Variants in PSMB7 observed in about 807,000 individuals in gnomAD.
PSMB7 encodes the protein proteasome subunit beta type-7.
A neutral mutation model predicts 28.1 loss-of-function variants in PSMB7; 5 were observed. That is an observed-to-expected ratio of 0.18 (90% confidence interval 0.09 to 0.37). The LOEUF is 0.37. Ranked by LOEUF, PSMB7 falls within the 10% of genes least tolerant of loss-of-function variation. The probability of loss-of-function intolerance (pLI) is 1.00; values close to 1 mark genes in which losing one functional copy is unlikely to be tolerated. For missense variants in PSMB7, 275 were observed against 346.2 expected, an observed-to-expected ratio of 0.79 and a Z score of 1.63; for synonymous variants, 122 against 123.7, an observed-to-expected ratio of 0.99 and a Z score of 0.09.
intron 6 of PSMB7, among the ~76,000 whole-genome samples, chr9:124,369,908 GT>G (rs1432005381): frequency 6.6e-6 from 1 of 152,118 alleles, no homozygotes; most frequent in East Asian, 1.9e-4. Context: ...TATGGGTACC[GT>G]TCTCGACTTT....
intron 7 of PSMB7, among the ~76,000 whole-genome samples, chr9:124,355,782 T>G: frequency 6.6e-6 from 1 of 152,290 alleles, no homozygotes; most frequent in Admixed American, 6.5e-5. Context: ...AGTGCCAGCG[T>G]TCTCTGGCCC....
chr9:124,391,645 CAA>C (rs10706624), intron 5 of PSMB7, among the ~76,000 whole-genome samples: 290 of 144,092 alleles, frequency 2.0e-3, no homozygotes, highest in Middle Eastern at 0.011. Context: ...TAGTCTCATT[CAA>C]AAAAAAAAAA....
intron 5 of PSMB7, among the ~76,000 whole-genome samples, chr9:124,403,188 T>G (rs1327275160): frequency 6.6e-6 from 1 of 152,100 alleles, no homozygotes; most frequent in Non-Finnish European, 1.5e-5. Flanking sequence ...TGTTAGAACT[T>G]GAAAATCCCA....
intron 6 of PSMB7, among the ~76,000 whole-genome samples, chr9:124,379,703 G>A (rs1344987157): frequency 2.0e-5 from 3 of 152,188 alleles, no homozygotes; most frequent in Non-Finnish European, 4.4e-5. Flanking sequence ...TTTGCCCTTT[G>A]CCCCATCTTC....
chr9:124,382,137 G>A (rs1340289370), intron 6 of PSMB7, among the ~76,000 whole-genome samples: 4 of 146,604 alleles, frequency 2.7e-5, no homozygotes, highest in East Asian at 2.1e-4. Flanking sequence ...GCAGTGAGCC[G>A]AGATCATGCC....
At chr9:124,385,352 A>G (rs1164533654) in intron 5 of PSMB7, among the ~76,000 whole-genome samples, 1 of 152,250 alleles carries the variant, frequency 6.6e-6, no homozygotes, top group African/African-American at 2.4e-5. Flanking sequence ...CTGCATAGGT[A>G]TTAACGGATA....
At chr9:124,372,093 A>T (rs1255794521) in intron 6 of PSMB7, among the ~76,000 whole-genome samples, 2 of 152,260 alleles carry the variant, frequency 1.3e-5, no homozygotes, top group Non-Finnish European at 2.9e-5. Flanking sequence ...AAAGAAATGC[A>T]TCATAAATAA....
chr9:124,408,025 T>C (rs572221605), intron 4 of PSMB7, among the ~76,000 whole-genome samples: 3 of 152,202 alleles, frequency 2.0e-5, no homozygotes, highest in African/African-American at 7.2e-5. Flanking sequence ...TAGACAAACA[T>C]GGTGGCGTGG....
At chr9:124,355,057 C>A (rs1830387291) in intron 7 of PSMB7, among the ~76,000 whole-genome samples, 1 of 152,226 alleles carries the variant, frequency 6.6e-6, no homozygotes, top group African/African-American at 2.4e-5. Flanking sequence ...ATCGCCCTGC[C>A]CGCACCCTAG....
At chr9:124,386,158 A>AG (rs1830716755) in intron 5 of PSMB7, among the ~76,000 whole-genome samples, 1 of 152,150 alleles carries the variant, frequency 6.6e-6, no homozygotes, top group East Asian at 1.9e-4. Context: ...AAAAAAAAAA[A>AG]AAAACTAAAA....
chr9:124,370,534 G>A (rs1401633322), intron 6 of PSMB7, among the ~76,000 whole-genome samples: 4 of 151,958 alleles, frequency 2.6e-5, no homozygotes, highest in Non-Finnish European at 4.4e-5. Flanking sequence ...AGTTGATATA[G>A]ATACATAAAA....
chr9:124,384,451 C>T (rs970313666), intron 6 of PSMB7, 147 bp downstream of exon 6: 9 of 746,422 alleles, frequency 1.2e-5, no homozygotes, highest in Non-Finnish European at 1.7e-5. Flanking sequence ...CTGGTCTCTT[C>T]GGCAAACAGA....
At chr9:124,407,039 A>G (rs1830973483) in intron 4 of PSMB7, among the ~76,000 whole-genome samples, 2 of 152,218 alleles carry the variant, frequency 1.3e-5, no homozygotes, top group Admixed American at 1.3e-4. Context: ...ACATTTGTCA[A>G]CATAAATTGC....
At chr9:124,372,461 T>C (rs1291916794) in intron 6 of PSMB7, among the ~76,000 whole-genome samples, 1 of 152,234 alleles carries the variant, frequency 6.6e-6, no homozygotes, top group Non-Finnish European at 1.5e-5. Context: ...TCAAAATGTA[T>C]ATAGTCACTT....
intron 6 of PSMB7, among the ~76,000 whole-genome samples, chr9:124,363,702 C>T (rs1050917555): frequency 6.6e-6 from 1 of 151,288 alleles, no homozygotes; most frequent in Non-Finnish European, 1.5e-5. Flanking sequence ...TCCTTGATAG[C>T]TTTTTTTTTG....
chr9:124,382,225 TGAG>T (rs1830675020), intron 6 of PSMB7, among the ~76,000 whole-genome samples: 1 of 105,706 alleles, frequency 9.5e-6, no homozygotes, highest in Non-Finnish European at 1.9e-5. Context: ...TTTTTTTTTT[TGAG>T]ACAAAGTCTG....
intron 5 of PSMB7, among the ~76,000 whole-genome samples, chr9:124,398,998 T>A (rs149537048): frequency 8.5e-4 from 111 of 130,726 alleles, no homozygotes; most frequent in Middle Eastern, 4.0e-3. Context: ...AAAATAATAC[T>A]AAGCTTTAAC....
In PSMB7 at chr9:124,415,382, G is replaced by A. The variant is rs776940621; in HGVS notation, c.44C>T (p.Ser15Phe). The A allele has an allele frequency of 3.1e-6, 5 of 1,614,120 alleles. No homozygotes were observed. The highest frequency in any genetic ancestry group is 4.5e-5 in the East Asian group (2 of 44,866). ...GCGGCACCTGCGGCAGTTATCAAAAGAGAAGCCTCCAACTGGTGGAGCATA... is the reference window on the plus strand; with the variant it reads ...GCGGCACCTGCGGCAGTTATCAAAAAAGAAGCCTCCAACTGGTGGAGCATA... ...SVYAPPVGGF[S>F]FDNCRRNAVL... The change falls in exon 1 of 8, where the codon TCT becomes TTT. Residue 15 changes from serine (S) to phenylalanine (F), a missense_variant. By Grantham distance (155) the Ser-to-Phe change is radical. Coordinates refer to ENST00000259457, the MANE Select transcript of PSMB7 (RefSeq NM_002799.4).
intron 4 of PSMB7, 116 bp from the exon 5 acceptor site, chr9:124,405,548 A>AT: frequency 1.5e-6 from 1 of 654,162 alleles, no homozygotes; most frequent in Non-Finnish European, 2.7e-6. Flanking sequence ...AGACTGTTTC[A>AT]TTAAGGGGTT....
Sources: allele counts gnomAD v4.1 joint callset (sites outside exome capture counted in the v4.1 genomes callset), GRCh38; gene constraint gnomAD v4.1.1; transcripts MANE v1.5; gene names NCBI Gene and HGNC (gene_info 2026-07-23, HGNC 2026-07-21).